SMG7: variants seen among roughly 807,000 people sequenced by gnomAD.
The protein encoded by SMG7 is SMG7 nonsense mediated mRNA decay factor, also known as nonsense-mediated mRNA decay factor SMG7.
In SMG7, 34 loss-of-function variants were observed where a neutral mutation model predicts 148.2. The ratio of observed to expected loss-of-function variants is 0.23; its 90% CI spans 0.17 to 0.31. The LOEUF (loss-of-function observed/expected upper bound fraction) is 0.31, where lower values mean the gene tolerates loss of function less well. Among genes scored for constraint, SMG7 ranks in the 10% least tolerant of loss-of-function variants. The pLI is 1.00. For missense variants in SMG7, 1,114 were observed against 1,408.4 expected (o/e 0.79, Z 3.35); for synonymous variants, 492 against 515.1 (o/e 0.96, Z 0.61).
intron 13 of SMG7, among the ~76,000 whole-genome samples, chr1:183,541,387 C>A (rs1668823423): frequency 1.3e-5 from 2 of 152,196 alleles, no homozygotes. Context: ...TTATAAATAT[C>A]TCTGTAAATC....
chr1:183,485,120 T>A (rs945366125), intron 1 of SMG7, among the ~76,000 whole-genome samples: 53 of 152,190 alleles, frequency 3.5e-4, no homozygotes, highest in African/African-American at 1.2e-3. Context: ...ATTGCTCTGT[T>A]ACACAGCTAG....
At position 183,533,241 on chromosome 1, in the gene SMG7, C is replaced by T; in HGVS notation, c.921C>T (p.His307=). The T allele has an allele frequency of 1.2e-6, 2 of 1,613,972 alleles. No homozygotes were observed. The highest frequency in any genetic ancestry group is 1.7e-6 in the Non-Finnish European group (2 of 1,179,840). ...TCATTAACCTGTTTCAACTTCATCACCTTCGTGACTTTAGCAATGAAACCG... is the reference window on the plus strand; with the variant it reads ...TCATTAACCTGTTTCAACTTCATCATCTTCGTGACTTTAGCAATGAAACCG... ...VTVINLFQLH[H]LRDFSNETEQ... is the part of the protein sequence containing the mutation. Residue 307 remains histidine (H), a synonymous_variant, in exon 9 of 23, where the codon CAC becomes CAT. Coordinates refer to ENST00000688051, the MANE Select transcript of SMG7 (RefSeq NM_001375584.1).
At chr1:183,516,503 T>C (rs1253072565) in intron 3 of SMG7, among the ~76,000 whole-genome samples, 3 of 152,234 alleles carry the variant, frequency 2.0e-5, no homozygotes, top group Non-Finnish European at 4.4e-5. Context: ...TTTAGACTTT[T>C]CCGCTTCTTC....
At position 183,552,980 on chromosome 1, in the gene SMG7, C is replaced by G; in HGVS notation, c.*1049C>G. 5 of 1,536,174 alleles carry G rather than the reference C, an allele frequency of 3.3e-6. No individual in the cohort carries two copies. The highest frequency in any genetic ancestry group is 4.4e-6 in the Non-Finnish European group (5 of 1,146,876). On this transcript the variant is annotated 3_prime_UTR_variant, in exon 23 of 23. Transcript: ENST00000688051. ...TGCAACATCACATCTCCCCAAGAAG[C>G]AACAGCATGGGGTCCAGCAGTTGGG... is the stretch of plus-strand genomic sequence containing the variant.
At chr1:183,543,116 AC>A (rs1669233013) in intron 14 of SMG7, among the ~76,000 whole-genome samples, 2 of 152,074 alleles carry the variant, frequency 1.3e-5, no homozygotes, top group South Asian at 4.2e-4. Context: ...AAAGATAAGC[AC>A]TGCTCAGTTA....
At chr1:183,472,679 G>A (rs1210390924) in intron 1 of SMG7, 30 bp downstream of exon 1, 10 of 1,459,650 alleles carry the variant, frequency 6.9e-6, no homozygotes, top group African/African-American at 2.9e-5. Flanking sequence ...TGGTACGTAG[G>A]GGGAGCGGGC....
intron 1 of SMG7, among the ~76,000 whole-genome samples, chr1:183,483,504 G>T (rs974077365): frequency 6.6e-6 from 1 of 151,904 alleles, no homozygotes; most frequent in Non-Finnish European, 1.5e-5. Context: ...TTTTATTACT[G>T]GTGAAAAAAG....
At chr1:183,482,137 A>G (rs933236966) in intron 1 of SMG7, among the ~76,000 whole-genome samples, 1 of 152,168 alleles carries the variant, frequency 6.6e-6, no homozygotes, top group African/African-American at 2.4e-5. Context: ...TGTAAACATT[A>G]TGATCAGATT....
At chr1:183,530,166 T>G (rs899717117) in intron 8 of SMG7, among the ~76,000 whole-genome samples, 4 of 152,182 alleles carry the variant, frequency 2.6e-5, no homozygotes, top group Non-Finnish European at 5.9e-5. Context: ...CATCGGTCAT[T>G]GTTTTAGGCA....
rs1346846610 is a variant in SMG7, at chr1:183,550,489, G to A, written c.3134-262G>A. On this transcript the variant is annotated intron_variant, in intron 20 of 22. Transcript: ENST00000688051. Reference sequence around the variant, plus strand: ...ACATGTATCTGAAATAGCCGTGTGAGAATAGGGCATTCATTCAGTTGACAA... The same window carrying A: ...ACATGTATCTGAAATAGCCGTGTGAAAATAGGGCATTCATTCAGTTGACAA... Among the ~76,000 whole-genome samples the A allele has an allele frequency of 3.3e-5, 5 of 152,200 alleles. No individual in the cohort carries two copies. The East Asian group carries it at 9.6e-4, about 29-fold the overall frequency.
intron 15 of SMG7, 141 bp from the exon 16 acceptor site, chr1:183,544,789 A>G (rs1353541944): frequency 3.3e-6 from 3 of 921,528 alleles, no homozygotes; most frequent in Non-Finnish European, 4.9e-6. Context: ...CTTCAAATCA[A>G]GTTAAAGATT....
rs147115372 is a variant in SMG7, at chr1:183,551,860, C to T, written c.3493C>T (p.Leu1165=). The change falls in exon 23 of 23, where the codon CTG becomes TTG. Residue 1165 remains leucine (L), a synonymous_variant. Coordinates refer to ENST00000688051, the MANE Select transcript of SMG7 (RefSeq NM_001375584.1). ...CATGATGCATCCTGGACCTTCTGCTCTGGAGCAGCTGTTAATGCAGCAGAA... is the reference window on the plus strand; with the variant it reads ...CATGATGCATCCTGGACCTTCTGCTTTGGAGCAGCTGTTAATGCAGCAGAA... The part of the protein sequence containing the change: ...SSMMHPGPSA[L]EQLLMQQKQK... The T allele has an allele frequency of 9.3e-6, 15 of 1,613,742 alleles. No individual in the cohort carries two copies. The highest frequency in any genetic ancestry group is 1.7e-6 in the Non-Finnish European group (2 of 1,179,810).
Position 183,527,350 on chromosome 1 carries a change from G to A in SMG7, c.484+583G>A, listed in dbSNP as rs922760049. ...TTGTCCTCAAATAACAAAGAATGGA[G>A]AACATTACTGCTTTTAAGTTTGAAA... is the stretch of plus-strand genomic sequence containing the variant. On this transcript the variant is annotated intron_variant, in intron 5 of 22. Coordinates refer to ENST00000688051, the MANE Select transcript of SMG7 (RefSeq NM_001375584.1). The surrounding 1 kb of genome is among the most constrained non-coding windows in gnomAD (Gnocchi z 4.0). 1.3e-5 allele frequency among the ~76,000 whole-genome samples: 2 copies of A among 152,142 alleles called. No homozygotes were observed. The highest frequency in any genetic ancestry group is 2.4e-5 in the African/African-American group (1 of 41,444).
At chr1:183,533,058 C>A in intron 8 of SMG7, 106 bp from the exon 9 acceptor site, 1 of 882,210 alleles carries the variant, frequency 1.1e-6, no homozygotes, top group South Asian at 1.6e-5. Flanking sequence ...ATCTGTAATT[C>A]TATTACACAT....
At chr1:183,483,993 T>C (rs1157899709) in intron 1 of SMG7, among the ~76,000 whole-genome samples, 1 of 152,186 alleles carries the variant, frequency 6.6e-6, no homozygotes, top group African/African-American at 2.4e-5. Context: ...GCTTAATTTG[T>C]ATTTTGGTTG....
At chr1:183,500,312 G>A (rs1217039895) in intron 1 of SMG7, among the ~76,000 whole-genome samples, 1 of 152,120 alleles carries the variant, frequency 6.6e-6, no homozygotes, top group African/African-American at 2.4e-5. Context: ...AAATGATTAT[G>A]TATTTATCTG....
At chr1:183,474,974 T>C (rs937447670) in intron 1 of SMG7, among the ~76,000 whole-genome samples, 3 of 152,182 alleles carry the variant, frequency 2.0e-5, no homozygotes, top group Non-Finnish European at 2.9e-5. Flanking sequence ...TAGTGTGATA[T>C]AGCTGAGAAA....
At chr1:183,530,844 A>G (rs908405352) in intron 8 of SMG7, among the ~76,000 whole-genome samples, 6 of 151,938 alleles carry the variant, frequency 3.9e-5, no homozygotes, top group African/African-American at 1.4e-4. Context: ...TCTGTGAAAT[A>G]CTCTCTAAAT....
At chr1:183,542,927 ATGTGTGTG>A (rs3979479) in intron 14 of SMG7, among the ~76,000 whole-genome samples, 33 of 85,170 alleles carry the variant, frequency 3.9e-4, no homozygotes, top group African/African-American at 1.0e-3. Flanking sequence ...ATATATATAT[ATGTGTGTG>A]TGTGTGTGTG....
Sources: gnomAD v4.1 joint callset for allele counts (sites outside exome capture counted in the v4.1 genomes callset) on GRCh38, gnomAD v4.1.1 for gene constraint, Gnocchi (gnomAD v3.1) non-coding constraint, MANE v1.5 for transcripts, NCBI Gene and HGNC (gene_info 2026-07-23, HGNC 2026-07-21) for gene names.